The following SLC39A11 variants were observed in gnomAD, a reference collection of about 807,000 sequenced individuals.
SLC39A11 encodes zinc transporter ZIP11.
In SLC39A11, 33 loss-of-function variants were observed where a neutral mutation model predicts 36.1. The ratio of observed to expected loss-of-function variants is 0.91; its 90% CI spans 0.69 to 1.22. The LOEUF (loss-of-function observed/expected upper bound fraction) is 1.22. SLC39A11 is among the 50% of genes most tolerant of loss of function. The probability of loss-of-function intolerance (pLI) is 0.00; values close to 1 mark genes in which losing one functional copy is unlikely to be tolerated. For missense variants in SLC39A11, 432 were observed against 430.3 expected, an observed-to-expected ratio of 1.00 and a Z score of -0.03; for synonymous variants, 166 against 170.3, an observed-to-expected ratio of 0.97 and a Z score of 0.20.
intron 5 of SLC39A11, among the ~76,000 whole-genome samples, chr17:72,853,990 T>G (rs2079506036): frequency 6.6e-6 from 1 of 152,070 alleles, no homozygotes; most frequent in Admixed American, 6.6e-5. Flanking sequence ...AAGTGGAGTT[T>G]GGGAAGGAGG....
At chr17:72,742,248 C>A (rs554630050) in intron 6 of SLC39A11, among the ~76,000 whole-genome samples, 1 of 152,146 alleles carries the variant, frequency 6.6e-6, no homozygotes, top group Non-Finnish European at 1.5e-5. Context: ...CTGGTGAGAG[C>A]TGAATTTCAG....
intron 5 of SLC39A11, among the ~76,000 whole-genome samples, chr17:72,918,792 A>G (rs1469035244): frequency 6.6e-6 from 1 of 152,100 alleles, no homozygotes; most frequent in Non-Finnish European, 1.5e-5. Context: ...GGCTGGGCAC[A>G]GTGGCTCAAG....
At chr17:72,967,780 C>T (rs1353304720) in intron 4 of SLC39A11, among the ~76,000 whole-genome samples, 1 of 152,130 alleles carries the variant, frequency 6.6e-6, no homozygotes, top group East Asian at 1.9e-4. Context: ...AAATCAGCCT[C>T]AGATTAATGT....
chr17:72,781,516 T>C (rs1266605048), intron 6 of SLC39A11, among the ~76,000 whole-genome samples: 5 of 151,800 alleles, frequency 3.3e-5, no homozygotes, highest in Non-Finnish European at 7.4e-5. Flanking sequence ...CTCCACCTCC[T>C]GGGTTCACAC....
At chr17:72,715,472 G>A (rs2073315407) in intron 7 of SLC39A11, among the ~76,000 whole-genome samples, 1 of 152,150 alleles carries the variant, frequency 6.6e-6, no homozygotes, top group African/African-American at 2.4e-5. Context: ...GCCTTCAAAG[G>A]AAGAAAATTA....
intron 5 of SLC39A11, among the ~76,000 whole-genome samples, chr17:72,888,609 A>G (rs1041505976): frequency 2.6e-5 from 4 of 152,322 alleles, no homozygotes; most frequent in Admixed American, 6.5e-5. Context: ...TTCATCCAAG[A>G]TAAGTGTTGA....
chr17:72,705,735 T>C (rs2143169758), intron 7 of SLC39A11, among the ~76,000 whole-genome samples: 1 of 152,314 alleles, frequency 6.6e-6, no homozygotes, highest in Middle Eastern at 3.4e-3. Context: ...CACCTCTCAG[T>C]CCATGTGGTT....
intron 6 of SLC39A11, among the ~76,000 whole-genome samples, chr17:72,835,927 T>C (rs1426027753): frequency 1.3e-5 from 2 of 152,182 alleles, no homozygotes; most frequent in Admixed American, 6.5e-5. Flanking sequence ...GCTCTAAAGG[T>C]TGTGCTTGTC....
At chr17:73,084,938 C>T (rs1268289471) in intron 2 of SLC39A11, 92 bp from the exon 3 acceptor site, 20 of 1,389,738 alleles carry the variant, frequency 1.4e-5, no homozygotes, top group Admixed American at 6.8e-5. Flanking sequence ...AAAAGAGCCA[C>T]GCAAATAAAG....
chr17:72,767,862 A>T (rs1423113360), intron 6 of SLC39A11, among the ~76,000 whole-genome samples: 2 of 147,896 alleles, frequency 1.4e-5, no homozygotes, highest in African/African-American at 5.3e-5. Context: ...GCATTGGAGT[A>T]AGAAAGAGTT....
intron 6 of SLC39A11, among the ~76,000 whole-genome samples, chr17:72,756,710 T>C (rs1284950655): frequency 6.6e-6 from 1 of 152,196 alleles, no homozygotes; most frequent in Non-Finnish European, 1.5e-5. Context: ...ATGGAGGTGA[T>C]GGTTGCACAA....
chr17:72,878,732 G>A (rs890580098), intron 5 of SLC39A11, among the ~76,000 whole-genome samples: 1 of 152,098 alleles, frequency 6.6e-6, no homozygotes, highest in Non-Finnish European at 1.5e-5. Flanking sequence ...ATGACCTCTG[G>A]TCACCAAACT....
chr17:72,864,443 C>T (rs1017300899), intron 5 of SLC39A11, among the ~76,000 whole-genome samples: 1 of 152,010 alleles, frequency 6.6e-6, no homozygotes, highest in African/African-American at 2.4e-5. Context: ...AGGCTGAGCC[C>T]AGCTAAAGGT....
At chr17:72,754,779 A>G (rs1313596691) in intron 6 of SLC39A11, among the ~76,000 whole-genome samples, 1 of 152,176 alleles carries the variant, frequency 6.6e-6, no homozygotes, top group African/African-American at 2.4e-5. Context: ...AGAGAAAAGG[A>G]GTGTGTGCAG....
chr17:72,709,089 C>G (rs771192522), intron 7 of SLC39A11, among the ~76,000 whole-genome samples: 2 of 152,258 alleles, frequency 1.3e-5, no homozygotes, highest in African/African-American at 2.4e-5. Flanking sequence ...GCGCCTGCCA[C>G]CACACCCAGC....
intron 6 of SLC39A11, among the ~76,000 whole-genome samples, chr17:72,750,231 A>G (rs564473416): frequency 6.6e-6 from 1 of 152,128 alleles, no homozygotes; most frequent in Non-Finnish European, 1.5e-5. Flanking sequence ...TCCTCCCCCA[A>G]GTTCACATGA....
At chr17:72,837,693 G>C in intron 6 of SLC39A11, 2 of 194,228 alleles carry the variant, frequency 1.0e-5, no homozygotes, top group Non-Finnish European at 2.1e-5. Context: ...CCATAGAATA[G>C]AGTATTATCT....
intron 6 of SLC39A11, among the ~76,000 whole-genome samples, chr17:72,810,188 C>T (rs940802047): frequency 1.3e-5 from 2 of 151,982 alleles, no homozygotes; most frequent in Non-Finnish European, 1.5e-5. Context: ...ATAGTACTTA[C>T]TGGTTTACCT....
At chr17:72,898,506 C>T (rs1334165972) in intron 5 of SLC39A11, among the ~76,000 whole-genome samples, 1 of 152,084 alleles carries the variant, frequency 6.6e-6, no homozygotes, top group African/African-American at 2.4e-5. Flanking sequence ...CTTAGTGAAA[C>T]AAATGGTGAA....
Sources: allele counts gnomAD v4.1 joint callset (sites outside exome capture counted in the v4.1 genomes callset), GRCh38; gene constraint gnomAD v4.1.1; transcripts MANE v1.5; gene names NCBI Gene and HGNC (gene_info 2026-07-23, HGNC 2026-07-21).